The following PPP1R1C variants were observed in gnomAD, a reference collection of about 807,000 sequenced individuals.
PPP1R1C encodes protein phosphatase 1 regulatory subunit 1C.
PPP1R1C carries 15 observed loss-of-function variants against 17.4 expected under a neutral mutation model. The observed-to-expected ratio is 0.86, with a 90% CI of 0.58 to 1.33. The LOEUF (loss-of-function observed/expected upper bound fraction) is 1.33. Ranked by LOEUF, PPP1R1C falls within the 40% of genes most tolerant of loss-of-function variation. The pLI is 0.00. For missense variants in PPP1R1C, 143 were observed against 130.0 expected (o/e 1.10, Z -0.48); for synonymous variants, 35 against 43.1 (o/e 0.81, Z 0.73).
At chr2:181,990,473 G>A (rs1333914081) in intron 2 of PPP1R1C, among the ~76,000 whole-genome samples, 1 of 152,100 alleles carries the variant, frequency 6.6e-6, no homozygotes, top group Non-Finnish European at 1.5e-5. Context: ...CTATAAAATA[G>A]GGATCATAGT....
chr2:182,020,681 C>T (rs1335431917), intron 2 of PPP1R1C, among the ~76,000 whole-genome samples: 1 of 152,120 alleles, frequency 6.6e-6, no homozygotes, highest in African/African-American at 2.4e-5. Flanking sequence ...CTCTCTTTCC[C>T]CACTGTCTTC....
In PPP1R1C at chr2:181,967,096, C is replaced by T. The variant is rs1684917706; in HGVS notation, n.112-8123C>T. On this transcript the variant is annotated intron_variant and non_coding_transcript_variant, in intron 1 of 5. Transcript: ENST00000464264. The surrounding 1 kb of genome is among the most constrained non-coding windows in gnomAD (Gnocchi z 5.5). ...TTTCCAATTTATTGGCATATGGTTG[C>T]TCATAGTGGTCTCTAATCATCCTTT... is the stretch of plus-strand genomic sequence containing the variant. Among the ~76,000 whole-genome samples the T allele has an allele frequency of 1.3e-5, 2 of 152,020 alleles. No individual in the cohort carries two copies. Among genetic ancestry groups the T allele is most frequent in the South Asian group, 2.1e-4 (1 of 4,824 alleles).
At chr2:182,072,008 T>C (rs878944774) in intron 4 of PPP1R1C, among the ~76,000 whole-genome samples, 1 of 152,212 alleles carries the variant, frequency 6.6e-6, no homozygotes, top group Admixed American at 6.5e-5. Flanking sequence ...GAATTCCTAT[T>C]TGAGTCAGTA....
intron 2 of PPP1R1C, among the ~76,000 whole-genome samples, chr2:182,030,214 G>A (rs1049960042): frequency 3.3e-5 from 5 of 152,088 alleles, no homozygotes; most frequent in Non-Finnish European, 7.3e-5. Context: ...CTCTCAGCTC[G>A]TCAAAGTCAT....
At chr2:182,082,268 G>A (rs1688502981) in intron 4 of PPP1R1C, among the ~76,000 whole-genome samples, 1 of 152,318 alleles carries the variant, frequency 6.6e-6, no homozygotes, top group East Asian at 1.9e-4. Flanking sequence ...TGCATTTAAA[G>A]TGATAGAACT....
rs1375435615 is a variant in PPP1R1C, at chr2:181,961,492, C to T, written n.111+6858C>T. ...GAGCTGCTCCATCTGCAGGGTGTAG[C>T]GGGCCTCCACCTCCCTCAGGCTGTT... On this transcript the variant is annotated intron_variant and non_coding_transcript_variant, in intron 1 of 5. Coordinates refer to the PPP1R1C transcript ENST00000464264. This position sits in a 1 kb window ranked among gnomAD's most constrained non-coding sequence, Gnocchi z 5.8. 2.8e-5 allele frequency: 32 copies of T among 1,125,852 alleles called. No individual in the cohort carries two copies. Among genetic ancestry groups the T allele is most frequent in the South Asian group, 6.6e-5 (5 of 75,836 alleles). 69.7% of individuals were successfully genotyped at this position (1,125,852 alleles called of 1,614,324 possible).
At chr2:182,004,547 G>A (rs976570597) in intron 2 of PPP1R1C, among the ~76,000 whole-genome samples, 14 of 152,224 alleles carry the variant, frequency 9.2e-5, no homozygotes, top group Non-Finnish European at 1.6e-4. Context: ...AGAGGCAAAA[G>A]CCCAGAAACA....
At chr2:182,025,846 T>C (rs1237885560) in intron 2 of PPP1R1C, among the ~76,000 whole-genome samples, 3 of 144,964 alleles carry the variant, frequency 2.1e-5, no homozygotes, top group Non-Finnish European at 4.5e-5. Flanking sequence ...GTGTTCCTAT[T>C]TCTCCACATC....
chr2:182,083,809 G>A (rs966463338), intron 4 of PPP1R1C, among the ~76,000 whole-genome samples: 6 of 152,132 alleles, frequency 3.9e-5, no homozygotes, highest in African/African-American at 1.4e-4. Flanking sequence ...TCAAATGATA[G>A]ATCTACTATT....
At position 181,990,207 on chromosome 2, in the gene PPP1R1C, C is replaced by T. The variant is rs182450153; in HGVS notation, c.142+2308C>T. ...AGGCTTGAGTGCAGTGGCGCGATCT[C>T]AGCTCACTGCAAGCTCCACCTCCGG... On this transcript the variant is annotated intron_variant, in intron 2 of 4. Transcript: ENST00000682840. Among the ~76,000 whole-genome samples the T allele has an allele frequency of 1.2e-3, 188 of 151,970 alleles. 1 individual carries two copies. The East Asian group carries it at 0.035, about 28-fold the overall frequency.
chr2:182,030,498 G>A (rs1353481459), intron 2 of PPP1R1C, among the ~76,000 whole-genome samples: 9 of 150,132 alleles, frequency 6.0e-5, no homozygotes, highest in African/African-American at 1.5e-4. Flanking sequence ...TGCCCCTGCT[G>A]GGGGGTGCCT....
chr2:181,974,674 G>C (rs546849109), intron 1 of PPP1R1C, among the ~76,000 whole-genome samples: 93 of 152,280 alleles, frequency 6.1e-4, no homozygotes, highest in African/African-American at 2.0e-3. Context: ...AACAATTTGA[G>C]AATGTTCAGG....
At chr2:182,026,435 C>T (rs1423805562) in intron 2 of PPP1R1C, among the ~76,000 whole-genome samples, 12 of 133,680 alleles carry the variant, frequency 9.0e-5, no homozygotes, top group African/African-American at 3.4e-4. Flanking sequence ...TATGTCTAGC[C>T]AGTTTTCCCA....
intron 2 of PPP1R1C, among the ~76,000 whole-genome samples, chr2:182,008,507 T>C (rs1200357317): frequency 2.6e-5 from 4 of 152,210 alleles, no homozygotes; most frequent in African/African-American, 9.6e-5. Flanking sequence ...ATAATGTTTG[T>C]GAAATGTAGT....
In PPP1R1C at chr2:181,957,931, A is replaced by G. The variant is rs557646186; in HGVS notation, n.111+3297A>G. 6.6e-6 allele frequency among the ~76,000 whole-genome samples: 1 copy of G among 152,336 alleles called. No individual in the cohort carries two copies. Among genetic ancestry groups the G allele is most frequent in the African/African-American group, 2.4e-5 (1 of 41,574 alleles). On this transcript the variant is annotated intron_variant and non_coding_transcript_variant, in intron 1 of 5. Transcript: ENST00000464264. This position sits in a 1 kb window ranked among gnomAD's most constrained non-coding sequence, Gnocchi z 4.2. The stretch of plus-strand genomic sequence containing the variant: ...CCCAGAGTGTGTACTCATTTAATTA[A>G]TGGAAGGCTTCGAAGGCTTAATTCC...
intron 4 of PPP1R1C, among the ~76,000 whole-genome samples, chr2:182,066,968 T>TTTGTGTGTGTG (rs1559079296): frequency 1.2e-3 from 167 of 144,816 alleles, no homozygotes; most frequent in African/African-American, 4.0e-3. Flanking sequence ...GTGTGTGTGT[T>TTTGTGTGTGTG]TGTGTGTGTG....
chr2:181,968,442 A>G (rs531974264), intron 1 of PPP1R1C, among the ~76,000 whole-genome samples: 10 of 152,158 alleles, frequency 6.6e-5, no homozygotes, highest in African/African-American at 1.7e-4. Flanking sequence ...TTTTCATTAT[A>G]TAATGACCTT....
intron 4 of PPP1R1C, among the ~76,000 whole-genome samples, chr2:182,115,040 T>C (rs1404336762): frequency 6.6e-6 from 1 of 152,136 alleles, no homozygotes; most frequent in Non-Finnish European, 1.5e-5. Context: ...TAAAGAACAT[T>C]ATCTCAAACA....
At chr2:181,998,193 C>T (rs1559050425) in intron 2 of PPP1R1C, among the ~76,000 whole-genome samples, 1 of 152,210 alleles carries the variant, frequency 6.6e-6, no homozygotes, top group Non-Finnish European at 1.5e-5. Flanking sequence ...CTCCAGGAAG[C>T]AGGGATCCTG....
Sources: allele counts gnomAD v4.1 joint callset (sites outside exome capture counted in the v4.1 genomes callset), GRCh38; gene constraint gnomAD v4.1.1; non-coding constraint Gnocchi (gnomAD v3.1); transcripts MANE v1.5; gene names NCBI Gene and HGNC (gene_info 2026-07-23, HGNC 2026-07-21).